TENM2: variants seen among roughly 807,000 people sequenced by gnomAD.
The protein encoded by TENM2 is teneurin-2.
Under a neutral mutation model 245.2 loss-of-function variants are expected in TENM2, and 52 were observed. The ratio of observed to expected loss-of-function variants is 0.21; its 90% confidence interval spans 0.17 to 0.27. The LOEUF is 0.27. Among genes scored for constraint, TENM2 ranks in the 10% least tolerant of loss-of-function variants. TENM2 has a pLI of 1.00. For synonymous variants in TENM2, 1,363 were observed against 1,438.9 expected (o/e 0.95, Z 1.19); for missense variants, 3,046 against 3,666.8 (o/e 0.83, Z 4.37).
At chr5:167,912,473 G>T (rs1459665132) in intron 3 of TENM2, among the ~76,000 whole-genome samples, 7 of 152,212 alleles carry the variant, frequency 4.6e-5, no homozygotes, top group Non-Finnish European at 7.3e-5. Context: ...TTGTTCTCCA[G>T]CAGGTAGTAC....
Position 168,179,980 on chromosome 5 carries a change from A to T in TENM2, c.2570-10357A>T, listed in dbSNP as rs144560284. ...TCACCTAGCACAGGGTCCCCACTCT[A>T]AAATGCACTGGCCTTGGGAGACACT... On this transcript the variant is annotated intron_variant, in intron 13 of 28. Transcript: ENST00000518659. Among the ~76,000 whole-genome samples, 4 of 152,310 alleles carry T rather than the reference A, an allele frequency of 2.6e-5. No individual in the cohort carries two copies. In the East Asian group the frequency reaches 7.7e-4, roughly 29 times the overall value.
chr5:168,115,359 GGGAAGGAAGGAA>G (rs55973990), intron 9 of TENM2, among the ~76,000 whole-genome samples: 1,179 of 71,606 alleles, frequency 0.016, 13 homozygotes, highest in Middle Eastern at 0.048. Flanking sequence ...AGGGAAGGAA[GGGAAGGAAGGAA>G]GGAAGGAAGG....
At chr5:167,427,947 A>AG (rs1423779263) in intron 2 of TENM2, among the ~76,000 whole-genome samples, 4 of 146,598 alleles carry the variant, frequency 2.7e-5, no homozygotes, top group Admixed American at 2.1e-4. Flanking sequence ...AAGGGAAGGA[A>AG]GGAAGGAAGG....
the TENM2 span, among the ~76,000 whole-genome samples, chr5:167,181,369 CTCT>C: frequency 6.6e-6 from 1 of 151,298 alleles, no homozygotes; most frequent in Non-Finnish European, 1.5e-5. Context: ...TTCCTTCTTT[CTCT>C]TCATTCTTTC....
At chr5:167,068,149 G>T in the TENM2 span, among the ~76,000 whole-genome samples, 2 of 152,164 alleles carry the variant, frequency 1.3e-5, no homozygotes, top group African/African-American at 4.8e-5. Context: ...CAGCATCACC[G>T]TTCTTAAGTG....
intron 2 of TENM2, among the ~76,000 whole-genome samples, chr5:167,535,758 C>T (rs775929185): frequency 5.9e-5 from 9 of 152,202 alleles, no homozygotes; most frequent in Non-Finnish European, 1.3e-4. Context: ...TTCCCAGCCA[C>T]CAGAACTATG....
chr5:167,064,607 C>A, the TENM2 span, among the ~76,000 whole-genome samples: 1 of 152,194 alleles, frequency 6.6e-6, no homozygotes, highest in South Asian at 2.1e-4. Flanking sequence ...GTGCAGTAAG[C>A]CTTTCATTCC....
the TENM2 span, among the ~76,000 whole-genome samples, chr5:167,102,451 C>T: frequency 6.6e-6 from 1 of 152,188 alleles, no homozygotes; most frequent in Admixed American, 6.5e-5. Flanking sequence ...AGTACTCTTC[C>T]CATTTGGTAG....
the TENM2 span, among the ~76,000 whole-genome samples, chr5:167,137,743 G>A: frequency 1.3e-5 from 2 of 152,190 alleles, no homozygotes; most frequent in Admixed American, 1.3e-4. Context: ...CTTAATGTGA[G>A]TTATATTGGC....
intron 4 of TENM2, among the ~76,000 whole-genome samples, chr5:167,987,928 G>C (rs1783375293): frequency 1.3e-5 from 2 of 152,110 alleles, no homozygotes; most frequent in Admixed American, 6.5e-5. Flanking sequence ...TTGGTTTTTT[G>C]TTTAATCATT....
chr5:167,085,402 G>T, the TENM2 span, among the ~76,000 whole-genome samples: 2 of 152,082 alleles, frequency 1.3e-5, no homozygotes, highest in Non-Finnish European at 2.9e-5. Flanking sequence ...AATATTGTTA[G>T]GTAATTGGAA....
chr5:167,108,879 G>A, the TENM2 span, among the ~76,000 whole-genome samples: 1 of 152,122 alleles, frequency 6.6e-6, no homozygotes, highest in Non-Finnish European at 1.5e-5. Flanking sequence ...AAAATTTAAA[G>A]TCAGTCTTTT....
At chr5:168,141,181 G>A (rs369878252) in intron 12 of TENM2, among the ~76,000 whole-genome samples, 3 of 152,106 alleles carry the variant, frequency 2.0e-5, no homozygotes, top group East Asian at 3.8e-4. Flanking sequence ...TAAACCTGTT[G>A]ATCTTTTTCC....
chr5:167,699,275 T>C (rs279414), intron 2 of TENM2, among the ~76,000 whole-genome samples: 48,635 of 151,692 alleles, frequency 0.32, 8,852 homozygotes, highest in East Asian at 0.81. Context: ...CGTTAAGTAG[T>C]ATGTGAAGTC....
chr5:167,645,478 C>T (rs528827426), intron 2 of TENM2, among the ~76,000 whole-genome samples: 67 of 152,140 alleles, frequency 4.4e-4, no homozygotes, highest in African/African-American at 1.2e-3. Context: ...AAATCCCCCT[C>T]AATCTCGGAG....
chr5:167,070,732 C>T, the TENM2 span, among the ~76,000 whole-genome samples: 1 of 152,040 alleles, frequency 6.6e-6, no homozygotes, highest in African/African-American at 2.4e-5. Flanking sequence ...AGTGTGAAGA[C>T]CAGGCACTTG....
chr5:167,101,849 T>A, the TENM2 span, among the ~76,000 whole-genome samples: 601 of 68,936 alleles, frequency 8.7e-3, 8 homozygotes, highest in African/African-American at 0.016. Context: ...ATATATATAT[T>A]TATATATATA....
At chr5:167,695,329 A>G (rs1030062912) in intron 2 of TENM2, among the ~76,000 whole-genome samples, 2 of 152,224 alleles carry the variant, frequency 1.3e-5, no homozygotes, top group Admixed American at 1.3e-4. Context: ...AACGTAAGGA[A>G]TGGGTGTGGC....
chr5:167,917,574 T>C (rs1388808028), intron 3 of TENM2, among the ~76,000 whole-genome samples: 1 of 152,126 alleles, frequency 6.6e-6, no homozygotes, highest in Non-Finnish European at 1.5e-5. Flanking sequence ...GCTTGTGACC[T>C]TGAAAACCCC....
Sources: allele counts gnomAD v4.1 joint callset (sites outside exome capture counted in the v4.1 genomes callset), GRCh38; gene constraint gnomAD v4.1.1; transcripts MANE v1.5; gene names NCBI Gene and HGNC (gene_info 2026-07-23, HGNC 2026-07-21).